DIAPH2: variants seen among roughly 807,000 people sequenced by gnomAD.
DIAPH2 encodes the protein protein diaphanous homolog 2.
DIAPH2 carries 35 observed loss-of-function variants against 92.7 expected under a neutral mutation model. The observed-to-expected ratio is 0.38, with a 90% CI of 0.29 to 0.50. DIAPH2 has a LOEUF of 0.50. Among genes scored for constraint, DIAPH2 ranks in the 20% least tolerant of loss-of-function variants. DIAPH2 has a pLI of 0.94. For synonymous variants in DIAPH2, 301 were observed against 280.4 expected (o/e 1.07, Z -0.73); for missense variants, 701 against 819.5 (o/e 0.86, Z 1.77).
intron 19 of DIAPH2, among the ~76,000 whole-genome samples, chrX:97,083,492 G>A (rs1306290206): frequency 9.0e-6 from 1 of 111,328 alleles, no homozygotes; most frequent in African/African-American, 3.3e-5. Context: ...GATGTTTTGG[G>A]CCCATTTTTC....
chrX:96,690,879 C>G (rs925409361), intron 1 of DIAPH2, among the ~76,000 whole-genome samples: 2 of 112,080 alleles, frequency 1.8e-5, no homozygotes, highest in African/African-American at 3.2e-5. Context: ...GTTAAGAGGA[C>G]TGCTTTAGAG....
At chrX:97,060,057 C>G (rs1240063216) in intron 17 of DIAPH2, among the ~76,000 whole-genome samples, 1 of 112,666 alleles carries the variant, frequency 8.9e-6, no homozygotes, top group African/African-American at 3.2e-5. Flanking sequence ...TATTACAACA[C>G]TTTTGTTCCA....
chrX:97,310,210 T>G (rs747355916), intron 23 of DIAPH2, among the ~76,000 whole-genome samples: 1 of 112,133 alleles, frequency 8.9e-6, no homozygotes, highest in East Asian at 2.8e-4. Context: ...TCACCCTAAT[T>G]TTCAATACTC....
intron 1 of DIAPH2, among the ~76,000 whole-genome samples, chrX:96,688,297 A>G (rs896343875): frequency 8.9e-6 from 1 of 112,409 alleles, no homozygotes; most frequent in African/African-American, 3.2e-5. Flanking sequence ...GTAACTTCCT[A>G]TTTGGTTATT....
chrX:97,440,056 A>G (rs1569398021), intron 26 of DIAPH2, among the ~76,000 whole-genome samples: 1 of 111,080 alleles, frequency 9.0e-6, no homozygotes, highest in Non-Finnish European at 1.9e-5. Context: ...ATCCTAAGAC[A>G]GAACCCTGGA....
At chrX:96,846,389 C>T (rs1374552697) in intron 4 of DIAPH2, among the ~76,000 whole-genome samples, 1 of 111,845 alleles carries the variant, frequency 8.9e-6, no homozygotes, top group Non-Finnish European at 1.9e-5. Context: ...TCAGGTGATC[C>T]GCCCCCACTT....
chrX:97,502,721 A>G (rs1007446028), intron 26 of DIAPH2, among the ~76,000 whole-genome samples: 3 of 112,801 alleles, frequency 2.7e-5, no homozygotes, highest in African/African-American at 9.6e-5. Context: ...TTTGAGCAAC[A>G]GAAACATATT....
At chrX:97,464,204 C>G (rs2070486937) in intron 26 of DIAPH2, among the ~76,000 whole-genome samples, 1 of 101,859 alleles carries the variant, frequency 9.8e-6, no homozygotes, top group Admixed American at 1.1e-4. Context: ...GTGGCTCATG[C>G]CTGTAATCCC....
At chrX:96,777,494 A>G (rs193029570) in intron 4 of DIAPH2, among the ~76,000 whole-genome samples, 427 of 110,888 alleles carry the variant, frequency 3.9e-3, no homozygotes, top group South Asian at 6.5e-3. Flanking sequence ...GTAAACCTCT[A>G]TTTTCATTAT....
At chrX:96,906,211 C>T (rs1416529539) in intron 5 of DIAPH2, among the ~76,000 whole-genome samples, 2 of 112,520 alleles carry the variant, frequency 1.8e-5, no homozygotes, top group Non-Finnish European at 3.8e-5. Context: ...AAATGATGCC[C>T]CTGTTTCAGC....
chrX:97,407,119 T>G (rs1286516213), intron 25 of DIAPH2, among the ~76,000 whole-genome samples: 2 of 111,834 alleles, frequency 1.8e-5, no homozygotes, highest in Admixed American at 1.9e-4. Context: ...GCATTTGGAC[T>G]ATACTAAAAT....
intron 20 of DIAPH2, among the ~76,000 whole-genome samples, chrX:97,112,702 T>C (rs1299548219): frequency 9.3e-6 from 1 of 107,474 alleles, no homozygotes; most frequent in African/African-American, 3.4e-5. Flanking sequence ...TCTCTCTCTC[T>C]TTACTTTTCT....
chrX:97,454,181 AT>A (rs1002375828), intron 26 of DIAPH2, among the ~76,000 whole-genome samples: 3 of 111,082 alleles, frequency 2.7e-5, no homozygotes, highest in Admixed American at 9.6e-5. Context: ...TGGATTTTCT[AT>A]TTTTTTCACC....
At chrX:97,274,536 A>G (rs1403002912) in intron 23 of DIAPH2, among the ~76,000 whole-genome samples, 2 of 110,205 alleles carry the variant, frequency 1.8e-5, no homozygotes, top group Non-Finnish European at 3.8e-5. Flanking sequence ...AAACATAACT[A>G]AAAGTCATAT....
chrX:97,275,369 G>A (rs866981480), intron 23 of DIAPH2, among the ~76,000 whole-genome samples: 2,106 of 104,293 alleles, frequency 0.02, 31 homozygotes, highest in Non-Finnish European at 0.032. Flanking sequence ...CCGGGCGGGG[G>A]CTGCCCCCCC....
chrX:97,270,067 A>G (rs966818319), intron 23 of DIAPH2, among the ~76,000 whole-genome samples: 12 of 111,220 alleles, frequency 1.1e-4, no homozygotes, highest in Non-Finnish European at 2.1e-4. Context: ...AGTAGCTGGC[A>G]TTATAGGCAC....
intron 26 of DIAPH2, among the ~76,000 whole-genome samples, chrX:97,489,761 C>T (rs1363932753): frequency 9.0e-6 from 1 of 111,520 alleles, no homozygotes; most frequent in African/African-American, 3.3e-5. Context: ...ATGTTCAAGC[C>T]ATCCTCACAT....
At position 96,751,652 on chromosome X, in the gene DIAPH2, G is replaced by GTTTTTTTTTTTTTTTTTTT. The variant is rs1219167141; in HGVS notation, c.343-6501_343-6483dup. On this transcript the variant is annotated intron_variant, in intron 3 of 26. Coordinates refer to ENST00000324765, the MANE Select transcript of DIAPH2 (RefSeq NM_006729.5). ...ATGGTCAACTAGACTTCAGTGTTTT[G>GTTTTTTTTTTTTTTTTTTT]TTTTTTTTTTTTTTTTTTTGAGACG... 1.8e-4 allele frequency among the ~76,000 whole-genome samples: 11 copies of GTTTTTTTTTTTTTTTTTTT among 60,298 alleles called. 1 individual carries two copies. The highest frequency in any genetic ancestry group is 7.0e-4 in the African/African-American group (11 of 15,715). The allele number at this position is 60,298 out of a possible 115,157, so 52.4% of individuals were successfully genotyped here.
chrX:96,789,139 G>A (rs760656909), intron 4 of DIAPH2, among the ~76,000 whole-genome samples: 19 of 112,070 alleles, frequency 1.7e-4, no homozygotes, highest in Non-Finnish European at 2.4e-4. Context: ...GAATCTACTG[G>A]TGGGCTGCCT....
Sources: allele counts gnomAD v4.1 joint callset (sites outside exome capture counted in the v4.1 genomes callset), GRCh38; gene constraint gnomAD v4.1.1; transcripts MANE v1.5; gene names NCBI Gene and HGNC (gene_info 2026-07-23, HGNC 2026-07-21).